The following CHLSN variants were observed in gnomAD, a reference collection of about 807,000 sequenced individuals.
The protein encoded by CHLSN is protein cholesin.
chr7:1,054,558 G>A, the CHLSN span, among the ~76,000 whole-genome samples: 14 of 152,332 alleles, frequency 9.2e-5, 1 homozygote, highest in Admixed American at 4.6e-4. Flanking sequence ...CCACGTGACC[G>A]CCTCCCAAGA....
the CHLSN span, among the ~76,000 whole-genome samples, chr7:1,001,292 C>T: frequency 5.9e-5 from 9 of 152,208 alleles, no homozygotes; most frequent in Admixed American, 4.6e-4. Context: ...CTGTTGTGAG[C>T]GCTGCCCAGC....
the CHLSN span, among the ~76,000 whole-genome samples, chr7:1,066,278 G>C: frequency 6.6e-6 from 1 of 152,220 alleles, no homozygotes; most frequent in Non-Finnish European, 1.5e-5. Context: ...CAACGGTGCG[G>C]CCGTAGGTGT....
the CHLSN span, chr7:1,023,134 G>C: frequency 5.2e-5 from 20 of 387,594 alleles, no homozygotes; most frequent in East Asian, 1.1e-3. This position sits in a 1 kb window ranked among gnomAD's most constrained non-coding sequence, Gnocchi z 5.0. Flanking sequence ...CTTCTCAGAA[G>C]GACGTTTTAA....
chr7:988,386 T>G, the CHLSN span: 2 of 1,612,504 alleles, frequency 1.2e-6, no homozygotes, highest in Non-Finnish European at 1.7e-6. Context: ...GGGCACTTTG[T>G]GAAGCGGGAG....
chr7:1,135,013 C>T, the CHLSN span, among the ~76,000 whole-genome samples: 1 of 152,206 alleles, frequency 6.6e-6, no homozygotes, highest in Non-Finnish European at 1.5e-5. Context: ...ATCCCATTGC[C>T]AACTCTCAGT....
chr7:978,977 GGCCTGGGTTC>G, the CHLSN span, among the ~76,000 whole-genome samples: 27 of 152,266 alleles, frequency 1.8e-4, no homozygotes, highest in Middle Eastern at 3.4e-3. Context: ...CGGTTCCGTG[GGCCTGGGTTC>G]CCCTCCACAT....
the CHLSN span, among the ~76,000 whole-genome samples, chr7:1,126,658 G>C: frequency 6.6e-6 from 1 of 152,010 alleles, no homozygotes; most frequent in South Asian, 2.1e-4. Context: ...TCCAGCCTGG[G>C]CGACAGAGAC....
At chr7:1,093,582 A>G in the CHLSN span, 7 of 471,142 alleles carry the variant, frequency 1.5e-5, no homozygotes, top group South Asian at 9.3e-5. Flanking sequence ...GTTGACATCA[A>G]CATGGCAATT....
At chr7:997,744 G>C in the CHLSN span, 26 of 1,611,030 alleles carry the variant, frequency 1.6e-5, no homozygotes, top group Middle Eastern at 1.6e-4. Flanking sequence ...GTCAGCTCTC[G>C]GGCCCGGCCC....
the CHLSN span, chr7:1,057,412 G>A: frequency 1.6e-4 from 97 of 614,330 alleles, no homozygotes; most frequent in Middle Eastern, 3.5e-4. Flanking sequence ...CCAGGAGAAG[G>A]CACCCCTGTA....
chr7:1,098,794 C>T, the CHLSN span, among the ~76,000 whole-genome samples: 3 of 152,234 alleles, frequency 2.0e-5, no homozygotes, highest in Admixed American at 1.3e-4. Flanking sequence ...GTCCACAGGA[C>T]AGAAGGCTGG....
At chr7:1,064,776 G>A in the CHLSN span, among the ~76,000 whole-genome samples, 1 of 152,190 alleles carries the variant, frequency 6.6e-6, no homozygotes, top group Non-Finnish European at 1.5e-5. Context: ...GAGGGAGACT[G>A]AAGCCCAGAG....
At chr7:1,002,199 T>G in the CHLSN span, among the ~76,000 whole-genome samples, 1 of 64,518 alleles carries the variant, frequency 1.5e-5, no homozygotes, top group Non-Finnish European at 2.9e-5. Flanking sequence ...GGGTGGGGAG[T>G]CCTGTGGGTG....
At chr7:1,068,565 T>A in the CHLSN span, among the ~76,000 whole-genome samples, 1 of 152,166 alleles carries the variant, frequency 6.6e-6, no homozygotes, top group East Asian at 1.9e-4. Context: ...GTGTCTTGCT[T>A]GCTTAGGTCA....
At chr7:1,061,650 C>A in the CHLSN span, among the ~76,000 whole-genome samples, 1 of 152,046 alleles carries the variant, frequency 6.6e-6, no homozygotes, top group African/African-American at 2.4e-5. Flanking sequence ...ATTCCCAAAG[C>A]CTTCACCTCA....
At chr7:1,020,697 C>G in the CHLSN span, among the ~76,000 whole-genome samples, 1 of 152,334 alleles carries the variant, frequency 6.6e-6, no homozygotes, top group African/African-American at 2.4e-5. Context: ...AACAGAGGCT[C>G]CCATTCCTGT....
the CHLSN span, among the ~76,000 whole-genome samples, chr7:1,013,075 C>T: frequency 6.6e-6 from 1 of 152,032 alleles, no homozygotes; most frequent in South Asian, 2.1e-4. Flanking sequence ...GTGGTGGGGC[C>T]GCCAGGATCG....
the CHLSN span, among the ~76,000 whole-genome samples, chr7:1,040,754 C>G: frequency 1.3e-5 from 2 of 151,282 alleles, no homozygotes; most frequent in Non-Finnish European, 2.9e-5. Flanking sequence ...CTTTTCTCTG[C>G]AAAACCCTCA....
At chr7:1,111,954 A>G in the CHLSN span, among the ~76,000 whole-genome samples, 1 of 152,242 alleles carries the variant, frequency 6.6e-6, no homozygotes, top group South Asian at 2.1e-4. Flanking sequence ...ACGGTGGCAG[A>G]ATCAGTCTTT....
Sources: allele counts gnomAD v4.1 joint callset (sites outside exome capture counted in the v4.1 genomes callset), GRCh38; gene constraint gnomAD v4.1.1; non-coding constraint Gnocchi (gnomAD v3.1); transcripts MANE v1.5; gene names NCBI Gene and HGNC (gene_info 2026-07-23, HGNC 2026-07-21).